The following TRMT11 variants were observed in gnomAD, a reference collection of about 807,000 sequenced individuals.
TRMT11 encodes tRNA (guanine(10)-N(2))-methyltransferase TRMT11.
Under a neutral mutation model 62.8 loss-of-function variants are expected in TRMT11, and 53 were observed. The observed-to-expected ratio is 0.84, with a 90% CI of 0.68 to 1.06. The LOEUF (loss-of-function observed/expected upper bound fraction) is 1.06. TRMT11 is among the 50% of genes least tolerant of loss of function. TRMT11 has a pLI of 0.00. For missense variants in TRMT11, 556 were observed against 553.4 expected, an observed-to-expected ratio of 1.00 and a Z score of -0.05; for synonymous variants, 188 against 190.3, an observed-to-expected ratio of 0.99 and a Z score of 0.10.
Position 126,048,023 on chromosome 6 carries a change from A to G in TRMT11, c.*1370-5100A>G, listed in dbSNP as rs1776110381. On this transcript the variant is annotated intron_variant and NMD_transcript_variant, in intron 16 of 22. Transcript: ENST00000648977. ...ACCCTCAATGACATCTTGGATTTAC[A>G]TGAAAAAGTGGCAGCTAATCCTTTG... Among the ~76,000 whole-genome samples, 4 of 152,230 alleles carry G rather than the reference A, an allele frequency of 2.6e-5. No homozygotes were observed. The South Asian group carries it at 8.3e-4, about 31-fold the overall frequency.
chr6:126,136,738 A>T (rs530449527), intron 21 of TRMT11, among the ~76,000 whole-genome samples: 2 of 151,946 alleles, frequency 1.3e-5, no homozygotes, highest in East Asian at 3.9e-4. Context: ...AAATTACATG[A>T]CAAAACTATA....
chr6:126,142,601 A>G (rs1378740448), intron 21 of TRMT11, among the ~76,000 whole-genome samples: 2 of 152,116 alleles, frequency 1.3e-5, no homozygotes, highest in Admixed American at 1.3e-4. Flanking sequence ...AGGCACTCAC[A>G]ATTTCTGAAT....
chr6:126,231,171 A>T, the TRMT11 span, among the ~76,000 whole-genome samples: 1 of 152,224 alleles, frequency 6.6e-6, no homozygotes, highest in African/African-American at 2.4e-5. Flanking sequence ...TTAAAAATCT[A>T]CTTGACATTT....
chr6:126,247,497 CCTAT>C, the TRMT11 span, among the ~76,000 whole-genome samples: 11 of 145,302 alleles, frequency 7.6e-5, no homozygotes, highest in South Asian at 1.1e-3. Context: ...ATCTAAAATA[CCTAT>C]CTCTCTCTAT....
chr6:126,213,615 A>C, the TRMT11 span, among the ~76,000 whole-genome samples: 3 of 152,052 alleles, frequency 2.0e-5, no homozygotes, highest in Non-Finnish European at 4.4e-5. Flanking sequence ...AACTTAATTG[A>C]ATTTTAAAAA....
At chr6:126,240,845 G>A in the TRMT11 span, among the ~76,000 whole-genome samples, 9 of 152,200 alleles carry the variant, frequency 5.9e-5, no homozygotes, top group East Asian at 1.9e-4. Flanking sequence ...CTTGAGCCGC[G>A]GTGGGCTCCA....
chr6:126,129,554 C>T (rs1400885993), intron 21 of TRMT11, among the ~76,000 whole-genome samples: 1 of 151,702 alleles, frequency 6.6e-6, no homozygotes, highest in Non-Finnish European at 1.5e-5. Flanking sequence ...GCAGTGTCTC[C>T]CACTCTTGCC....
intron 17 of TRMT11, among the ~76,000 whole-genome samples, chr6:126,095,824 C>A (rs959622682): frequency 2.0e-5 from 3 of 152,124 alleles, no homozygotes; most frequent in African/African-American, 7.2e-5. Flanking sequence ...CTGACTCTCA[C>A]AGTATAAGAG....
At chr6:126,012,296 T>C (rs1794334382) in intron 9 of TRMT11, among the ~76,000 whole-genome samples, 1 of 152,108 alleles carries the variant, frequency 6.6e-6, no homozygotes, top group Non-Finnish European at 1.5e-5. Flanking sequence ...GAGTAAGTGG[T>C]ATACATTGTG....
At chr6:126,247,043 C>T in the TRMT11 span, among the ~76,000 whole-genome samples, 1 of 152,142 alleles carries the variant, frequency 6.6e-6, no homozygotes, top group African/African-American at 2.4e-5. Context: ...AGACTTCCAG[C>T]TTTTGAAGAA....
intron 21 of TRMT11, among the ~76,000 whole-genome samples, chr6:126,150,264 G>A (rs760013503): frequency 1.3e-5 from 2 of 152,150 alleles, no homozygotes; most frequent in African/African-American, 2.4e-5. Flanking sequence ...CCTTTAGAGA[G>A]TCCTCACTAG....
intron 1 of TRMT11, among the ~76,000 whole-genome samples, chr6:126,191,794 T>C (rs190937856): frequency 6.6e-6 from 1 of 152,230 alleles, no homozygotes; most frequent in East Asian, 1.9e-4. Flanking sequence ...ATCTGTTCCA[T>C]TGTTTTATGT....
the TRMT11 span, among the ~76,000 whole-genome samples, chr6:126,251,217 G>A: frequency 2.6e-5 from 4 of 151,864 alleles, no homozygotes. Context: ...TTTTAGTAGA[G>A]ATGGGGTTTC....
intron 21 of TRMT11, among the ~76,000 whole-genome samples, chr6:126,130,397 A>G (rs929744186): frequency 4.6e-5 from 7 of 152,012 alleles, no homozygotes; most frequent in African/African-American, 7.2e-5. Flanking sequence ...CTTCATCACT[A>G]TTATTTGATT....
At chr6:126,041,712 A>G (rs1197334667), downstream of TRMT11, among the ~76,000 whole-genome samples, 2 of 152,132 alleles carry the variant, frequency 1.3e-5, no homozygotes, top group Admixed American at 1.3e-4. Flanking sequence ...GCATAAATAA[A>G]CTCATTAATG....
chr6:126,006,632 G>A (rs980314899), intron 7 of TRMT11, among the ~76,000 whole-genome samples: 2 of 150,286 alleles, frequency 1.3e-5, no homozygotes, highest in African/African-American at 4.9e-5. Flanking sequence ...CCACCAAAAA[G>A]ATCCCCTAAA....
At chr6:126,049,437 A>G (rs1253332567) in intron 16 of TRMT11, among the ~76,000 whole-genome samples, 1 of 151,614 alleles carries the variant, frequency 6.6e-6, no homozygotes, top group African/African-American at 2.4e-5. Flanking sequence ...TTCTCTTTAC[A>G]TTTTTCTATA....
intron 17 of TRMT11, among the ~76,000 whole-genome samples, chr6:126,091,997 G>A (rs947366916): frequency 5.9e-5 from 9 of 152,154 alleles, no homozygotes; most frequent in East Asian, 3.9e-4. Context: ...CATCACCTAC[G>A]TCTACGAGTC....
At chr6:126,153,926 A>C (rs534136150) in intron 21 of TRMT11, among the ~76,000 whole-genome samples, 8 of 152,090 alleles carry the variant, frequency 5.3e-5, no homozygotes, top group Non-Finnish European at 1.0e-4. Context: ...TTTCATTGAC[A>C]TACCCAGGCT....
Sources: gnomAD v4.1 joint callset for allele counts (sites outside exome capture counted in the v4.1 genomes callset) on GRCh38, gnomAD v4.1.1 for gene constraint, MANE v1.5 for transcripts, NCBI Gene and HGNC (gene_info 2026-07-23, HGNC 2026-07-21) for gene names.